The following CALU variants were observed in gnomAD, a reference collection of about 807,000 sequenced individuals.
CALU encodes calumenin.
CALU carries 13 observed loss-of-function variants against 37.5 expected under a neutral mutation model. The observed-to-expected ratio is 0.35, with a 90% CI of 0.23 to 0.55. The LOEUF (loss-of-function observed/expected upper bound fraction) is 0.55, where lower values mean the gene tolerates loss of function less well. CALU is among the 20% of genes least tolerant of loss of function. CALU has a pLI of 0.89. For synonymous variants in CALU, 114 were observed against 133.8 expected (o/e 0.85, Z 1.02); for missense variants, 282 against 391.7 (o/e 0.72, Z 2.36).
chr7:128,758,792 G>A (rs2128881148), intron 3 of CALU, 79 bp from the exon 4 acceptor site: 8 of 958,578 alleles, frequency 8.3e-6, no homozygotes, highest in Non-Finnish European at 1.3e-5. Flanking sequence ...TATCTTTATT[G>A]GAAATTGATT....
intron 2 of CALU, among the ~76,000 whole-genome samples, chr7:128,751,228 C>A (rs1212461167): frequency 6.8e-6 from 1 of 146,454 alleles, no homozygotes; most frequent in Non-Finnish European, 1.5e-5. Flanking sequence ...GCAGAGGTTG[C>A]AGTGAGCCAA....
chr7:128,767,213 T>G (rs1309675447), intron 5 of CALU, among the ~76,000 whole-genome samples: 1 of 152,200 alleles, frequency 6.6e-6, no homozygotes, highest in Admixed American at 6.5e-5. Flanking sequence ...TTTATTAAGG[T>G]ATAAGAACTC....
In CALU at chr7:128,770,640, GAT is replaced by G. The variant is rs1370048112; in HGVS notation, c.*1474_*1475del. 1 of 151,604 alleles carries G rather than the reference GAT, an allele frequency of 6.6e-6. No homozygotes were observed. The highest frequency in any genetic ancestry group is 1.5e-5 in the Non-Finnish European group (1 of 67,986). The allele number at this position is 151,604 out of a possible 1,614,324, so 9.4% of individuals were successfully genotyped here. Reference sequence around the variant, plus strand: ...AGGGTTTCAGTCCTTATCAAAGAGAGATGTGGAAAGAGCTAAAGAAACCACCC... The same window carrying G: ...AGGGTTTCAGTCCTTATCAAAGAGAGGTGGAAAGAGCTAAAGAAACCACCC... On this transcript the variant is annotated 3_prime_UTR_variant, in exon 7 of 7. Coordinates refer to ENST00000249364, the MANE Select transcript of CALU (RefSeq NM_001219.5).
chr7:128,759,034 A>G lies in CALU; in HGVS notation c.579A>G (p.Val193=). ...ATGACTACATGAAAGATATAGTAGT[A>G]CAGGTGGGTGAGATGAAGGATTCTG... ...EEYDYMKDIV[V]QETMEDIDKN... The change falls in exon 4 of 7, where the codon GTA becomes GTG. Residue 193 remains valine, a synonymous_variant. Transcript: ENST00000249364. 6.2e-7 allele frequency: 1 copy of G among 1,609,468 alleles called. No individual in the cohort carries two copies. The highest frequency in any genetic ancestry group is 8.5e-7 in the Non-Finnish European group (1 of 1,177,994).
chr7:128,765,347 A>G (rs1480066391), intron 5 of CALU, among the ~76,000 whole-genome samples: 3 of 152,080 alleles, frequency 2.0e-5, no homozygotes, highest in South Asian at 4.1e-4. Context: ...CAGCCTCCCG[A>G]GTAGCTGGGA....
Position 128,748,676 on chromosome 7 carries a change from G to T in CALU, c.93G>T (p.Glu31Asp), listed in dbSNP as rs759653064. The T allele has an allele frequency of 1.9e-6, 3 of 1,614,016 alleles. No individual in the cohort carries two copies. The highest frequency in any genetic ancestry group is 2.5e-6 in the Non-Finnish European group (3 of 1,180,002). The change falls in exon 2 of 7, where the codon GAG (glutamate) becomes GAT (aspartate). Residue 31 changes from glutamate (E) to aspartate (D), a missense_variant. Coordinates refer to ENST00000249364, the MANE Select transcript of CALU (RefSeq NM_001219.5). ...PTEKKDRVHHEPQLSDKVHND... is the reference protein window; with the variant it reads ...PTEKKDRVHHDPQLSDKVHND... ...AAAAGAAGGACCGTGTACATCATGA[G>T]CCTCAGCTCAGTGACAAGGTTCACA...
At chr7:128,753,234 A>G (rs1413493132) in intron 2 of CALU, among the ~76,000 whole-genome samples, 1 of 152,232 alleles carries the variant, frequency 6.6e-6, no homozygotes, top group Non-Finnish European at 1.5e-5. Flanking sequence ...CCAAGTGACA[A>G]TCTTTTCAAT....
rs796566560 is a variant in CALU at position 128,770,457 on chromosome 7, C to T, written c.*1290C>T. The T allele has an allele frequency of 4.6e-4, 70 of 152,604 alleles. No homozygotes were observed. The highest frequency in any genetic ancestry group is 1.5e-3 in the African/African-American group (62 of 41,488). 9.5% of individuals were successfully genotyped at this position (152,604 alleles called of 1,614,324 possible). A position where few individuals can be genotyped will look rare whatever the true frequency, so the allele number is the denominator to read the frequency against. On this transcript the variant is annotated 3_prime_UTR_variant, in exon 7 of 7. Coordinates refer to ENST00000249364, the MANE Select transcript of CALU (RefSeq NM_001219.5). ...TTCTGTGTCCACTGGAGAGCTTGAG[C>T]TCACACTCAAAGATCAGAGGACCTA...
chr7:128,741,489 A>G (rs1800238228), intron 1 of CALU, among the ~76,000 whole-genome samples: 1 of 152,228 alleles, frequency 6.6e-6, no homozygotes, highest in African/African-American at 2.4e-5. Flanking sequence ...AGACAACTTA[A>G]GGTAACCTAT....
At position 128,768,548 on chromosome 7, in the gene CALU, T is replaced by G. The variant is rs1163973334; in HGVS notation, c.844-515T>G. 2.6e-5 allele frequency among the ~76,000 whole-genome samples: 4 copies of G among 152,116 alleles called. No individual in the cohort carries two copies. In the East Asian group the frequency reaches 7.7e-4, roughly 29 times the overall value. On this transcript the variant is annotated intron_variant, in intron 6 of 6. Coordinates refer to ENST00000249364, the MANE Select transcript of CALU (RefSeq NM_001219.5). ...CTTTTAACTTTCTTGATAAAAGAAA[T>G]GTTTAATTGGCCTGGCACGATGGCT...
chr7:128,756,746 C>G (rs1057141836), intron 3 of CALU, among the ~76,000 whole-genome samples: 2 of 152,072 alleles, frequency 1.3e-5, no homozygotes, highest in African/African-American at 4.8e-5. Flanking sequence ...TACAGCATTC[C>G]AAGCAGAGCT....
intron 5 of CALU, among the ~76,000 whole-genome samples, chr7:128,760,335 A>G (rs1273364804): frequency 6.6e-6 from 1 of 152,248 alleles, no homozygotes; most frequent in Non-Finnish European, 1.5e-5. Context: ...ATCCGTAGCC[A>G]CATTGCCCAA....
chr7:128,745,358 G>T (rs950918634), intron 1 of CALU, among the ~76,000 whole-genome samples: 13 of 152,178 alleles, frequency 8.5e-5, no homozygotes, highest in African/African-American at 2.9e-4. Context: ...GGTGGCTTAC[G>T]ACTGTAATCC....
Position 128,748,820 on chromosome 7 carries a change from TC to T in CALU, c.221+17del. The T allele has an allele frequency of 2.8e-5, 44 of 1,544,374 alleles. No homozygotes were observed. The highest frequency in any genetic ancestry group is 3.9e-5 in the Non-Finnish European group (44 of 1,116,572). On this transcript the variant is annotated intron_variant, in intron 2 of 6. Coordinates refer to ENST00000249364, the MANE Select transcript of CALU (RefSeq NM_001219.5). ...AAAGGCTTGGGTAAGGTACCACCTC[TC>T]AGGGGTCTAGTGTGGGTAATGACAT...
Position 128,769,799 on chromosome 7 carries a change from C to CT in CALU, c.*637dup, listed in dbSNP as rs1433515828. The CT allele has an allele frequency of 6.6e-6, 1 of 152,210 alleles. No homozygotes were observed. The highest frequency in any genetic ancestry group is 1.5e-5 in the Non-Finnish European group (1 of 68,046). The allele number at this position is 152,210 out of a possible 1,614,324, so 9.4% of individuals were successfully genotyped here. A position where few individuals can be genotyped will look rare whatever the true frequency, so the allele number is the denominator to read the frequency against. ...AAGCTTGGCCCAAATTGATTTTCTT[C>CT]TTTTTCCCCCTGTAGGACTGACTGT... is the stretch of plus-strand genomic sequence containing the variant. On this transcript the variant is annotated 3_prime_UTR_variant, in exon 7 of 7. Coordinates refer to ENST00000249364, the MANE Select transcript of CALU (RefSeq NM_001219.5).
At chr7:128,767,410 G>A in intron 5 of CALU, 46 bp from the exon 6 acceptor site, 1 of 1,458,960 alleles carries the variant, frequency 6.9e-7, no homozygotes, top group South Asian at 1.1e-5. Context: ...AGGCAGTTTT[G>A]GGGAAAAGAC....
Position 128,758,950 on chromosome 7 carries a change from G to A in CALU, c.495G>A (p.Lys165=), listed in dbSNP as rs1800992774. The A allele has an allele frequency of 6.2e-7, 1 of 1,613,510 alleles. No individual in the cohort carries two copies. The highest frequency in any genetic ancestry group is 8.5e-7 in the Non-Finnish European group (1 of 1,179,472). ...RDERRFKMAD[K]DGDLIATKEE... ...AGCGGAGGTTTAAAATGGCAGACAA[G>A]GATGGAGACCTCATTGCCACCAAGG... Residue 165 remains lysine (K), a synonymous_variant, in exon 4 of 7, where the codon AAG becomes AAA. Coordinates refer to ENST00000249364, the MANE Select transcript of CALU (RefSeq NM_001219.5).
chr7:128,761,223 C>T (rs1490098274), intron 5 of CALU: 1 of 151,686 alleles, frequency 6.6e-6, no homozygotes, highest in Non-Finnish European at 1.5e-5. Context: ...TTATTATCAT[C>T]AGACTAATTT....
chr7:128,768,577 G>A (rs769474062), intron 6 of CALU, among the ~76,000 whole-genome samples: 2 of 152,070 alleles, frequency 1.3e-5, no homozygotes, highest in Non-Finnish European at 2.9e-5. Context: ...GATGGCTCAC[G>A]CCTGTAATCC....
Sources: gnomAD v4.1 joint callset for allele counts (sites outside exome capture counted in the v4.1 genomes callset) on GRCh38, gnomAD v4.1.1 for gene constraint, MANE v1.5 for transcripts, NCBI Gene and HGNC (gene_info 2026-07-23, HGNC 2026-07-21) for gene names.